EXOC4: variants seen among roughly 807,000 people sequenced by gnomAD.
EXOC4 encodes the protein SEC8-like 1.
In EXOC4, 71 loss-of-function variants were observed where a neutral mutation model predicts 107.2. That is an observed-to-expected ratio of 0.66 (90% confidence interval 0.55 to 0.81). EXOC4 has a LOEUF of 0.81. Ranked by LOEUF, EXOC4 falls within the 30% of genes least tolerant of loss-of-function variation. The pLI is 0.00. For synonymous variants in EXOC4, 456 were observed against 441.2 expected (o/e 1.03, Z -0.42); for missense variants, 1,108 against 1,189.6 (o/e 0.93, Z 1.01).
chr7:133,541,267 A>C (rs938641264), intron 9 of EXOC4, among the ~76,000 whole-genome samples: 1 of 152,146 alleles, frequency 6.6e-6, no homozygotes, highest in African/African-American at 2.4e-5. Context: ...CTGAGAACCT[A>C]TGCCCAAATG....
intron 10 of EXOC4, among the ~76,000 whole-genome samples, chr7:133,705,997 C>G (rs548552614): frequency 1.3e-5 from 2 of 152,316 alleles, no homozygotes; most frequent in South Asian, 4.1e-4. Context: ...TTCGTTTCTA[C>G]TAGAAGCAGA....
intron 10 of EXOC4, among the ~76,000 whole-genome samples, chr7:133,649,372 C>A (rs1029131686): frequency 1.3e-5 from 2 of 151,716 alleles, no homozygotes; most frequent in Non-Finnish European, 2.9e-5. Flanking sequence ...CATAGCCCAG[C>A]CAAATGGAAT....
chr7:133,896,120 T>C (rs1799301153), intron 12 of EXOC4, among the ~76,000 whole-genome samples: 1 of 152,226 alleles, frequency 6.6e-6, no homozygotes, highest in Non-Finnish European at 1.5e-5. Context: ...GTGTTTCCTT[T>C]TAATTAAAAA....
At chr7:133,826,032 C>T (rs1003985237) in intron 11 of EXOC4, among the ~76,000 whole-genome samples, 2 of 152,250 alleles carry the variant, frequency 1.3e-5, no homozygotes, top group East Asian at 3.9e-4. Context: ...TATTTATTCA[C>T]TAACAGTATT....
intron 14 of EXOC4, among the ~76,000 whole-genome samples, chr7:133,949,551 C>G (rs1800640461): frequency 6.6e-6 from 1 of 152,156 alleles, no homozygotes; most frequent in Non-Finnish European, 1.5e-5. Context: ...CTGGAAAACC[C>G]CTTTGGTCAA....
chr7:133,857,870 T>TG (rs940882715), intron 11 of EXOC4, among the ~76,000 whole-genome samples: 3 of 151,748 alleles, frequency 2.0e-5, no homozygotes, highest in Non-Finnish European at 2.9e-5. Context: ...GGATCGGGCG[T>TG]GGGGGGAGGC....
chr7:134,026,254 C>A (rs553200610), intron 17 of EXOC4, among the ~76,000 whole-genome samples: 25 of 151,428 alleles, frequency 1.7e-4, no homozygotes, highest in African/African-American at 5.8e-4. Context: ...TAGCCTGTCT[C>A]CCCACGATGG....
chr7:134,049,790 G>A (rs957782363), intron 17 of EXOC4, among the ~76,000 whole-genome samples: 1 of 152,196 alleles, frequency 6.6e-6, no homozygotes, highest in Admixed American at 6.5e-5. Context: ...GTTTGTCATT[G>A]ATGCTGAAAT....
At chr7:134,094,320 G>C in the EXOC4 span, among the ~76,000 whole-genome samples, 1 of 152,140 alleles carries the variant, frequency 6.6e-6, no homozygotes, top group Non-Finnish European at 1.5e-5. Context: ...TGAAGGAAAT[G>C]CATAAATTCC....
intron 14 of EXOC4, among the ~76,000 whole-genome samples, chr7:133,978,439 C>A (rs1417595216): frequency 6.6e-6 from 1 of 152,176 alleles, no homozygotes; most frequent in Non-Finnish European, 1.5e-5. Context: ...ACTTCCTGGT[C>A]CAGTCTTCTC....
chr7:133,820,154 AT>A (rs35640945), intron 11 of EXOC4, among the ~76,000 whole-genome samples: 29,195 of 70,384 alleles, frequency 0.41, 4,705 homozygotes, highest in Admixed American at 0.52. Context: ...CACCTGCTTC[AT>A]TTTTTTTTTT....
chr7:133,291,623 T>A (rs1224524775), intron 3 of EXOC4, among the ~76,000 whole-genome samples: 4 of 152,116 alleles, frequency 2.6e-5, no homozygotes, highest in Non-Finnish European at 5.9e-5. Flanking sequence ...CCTCAAGTGA[T>A]CTGCCTGCCT....
chr7:133,647,582 A>G (rs1338522354), intron 10 of EXOC4, among the ~76,000 whole-genome samples: 2 of 151,934 alleles, frequency 1.3e-5, no homozygotes, highest in Admixed American at 6.6e-5. Flanking sequence ...TAGAGCCCCA[A>G]CTCTTACCTC....
chr7:133,282,449 A>G (rs942825193), intron 2 of EXOC4, among the ~76,000 whole-genome samples: 1 of 152,220 alleles, frequency 6.6e-6, no homozygotes, highest in African/African-American at 2.4e-5. Context: ...GAAACAGAGT[A>G]ACATAATTTT....
chr7:133,488,314 ATAGAAC>A (rs1799307991), intron 9 of EXOC4, among the ~76,000 whole-genome samples: 1 of 152,176 alleles, frequency 6.6e-6, no homozygotes, highest in Middle Eastern at 3.2e-3. Flanking sequence ...ATTTTTAGTT[ATAGAAC>A]TCTTCTTCTA....
At chr7:133,369,651 A>T (rs932607827) in intron 6 of EXOC4, among the ~76,000 whole-genome samples, 1 of 151,954 alleles carries the variant, frequency 6.6e-6, no homozygotes, top group Non-Finnish European at 1.5e-5. Flanking sequence ...GAGTGATCTC[A>T]TCTCCTCAAA....
intron 9 of EXOC4, among the ~76,000 whole-genome samples, chr7:133,564,733 T>A (rs940295889): frequency 1.4e-4 from 22 of 152,266 alleles, no homozygotes; most frequent in African/African-American, 4.8e-4. Flanking sequence ...TTAATATTTT[T>A]TAAGATTTGT....
chr7:133,765,451 G>A (rs534981220), intron 10 of EXOC4, among the ~76,000 whole-genome samples: 4 of 151,990 alleles, frequency 2.6e-5, no homozygotes, highest in African/African-American at 7.2e-5. Flanking sequence ...TATAAGGATG[G>A]TAGGCTTGGG....
intron 7 of EXOC4, among the ~76,000 whole-genome samples, chr7:133,474,753 G>A (rs189010527): frequency 4.6e-5 from 7 of 152,126 alleles, no homozygotes; most frequent in African/African-American, 1.7e-4. Flanking sequence ...GTTTGTTTTA[G>A]TATTTATCCA....
Sources: allele counts gnomAD v4.1 joint callset (sites outside exome capture counted in the v4.1 genomes callset), GRCh38; gene constraint gnomAD v4.1.1; transcripts MANE v1.5; gene names NCBI Gene and HGNC (gene_info 2026-07-23, HGNC 2026-07-21).